Variants in ASTN2 observed in about 807,000 individuals in gnomAD.
ASTN2 encodes astrotactin-2.
A neutral mutation model predicts 139.8 loss-of-function variants in ASTN2; 54 were observed. The observed-to-expected ratio is 0.39, with a 90% confidence interval of 0.31 to 0.48. ASTN2 has a LOEUF of 0.48. Among genes scored for constraint, ASTN2 ranks in the 20% least tolerant of loss-of-function variants. The probability of loss-of-function intolerance (pLI) is 0.95; values close to 1 mark genes in which losing one functional copy is unlikely to be tolerated. For synonymous variants in ASTN2, 756 were observed against 719.5 expected (o/e 1.05, Z -0.81); for missense variants, 1,565 against 1,725.1 (o/e 0.91, Z 1.64).
intron 10 of ASTN2, among the ~76,000 whole-genome samples, chr9:116,884,432 G>A (rs1833536220): frequency 6.6e-6 from 1 of 152,144 alleles, no homozygotes; most frequent in Non-Finnish European, 1.5e-5. Flanking sequence ...GCTGTAATCT[G>A]AGGTCTCACT....
chr9:117,142,442 C>G (rs998624809), intron 3 of ASTN2, among the ~76,000 whole-genome samples: 1 of 152,170 alleles, frequency 6.6e-6, no homozygotes, highest in East Asian at 1.9e-4. Flanking sequence ...ATGTCGATCA[C>G]TTAGCAACAT....
chr9:117,293,497 G>C (rs1466602703), intron 1 of ASTN2, among the ~76,000 whole-genome samples: 1 of 152,214 alleles, frequency 6.6e-6, no homozygotes, highest in Non-Finnish European at 1.5e-5. Context: ...AGCTGGAAGA[G>C]TTGAACAGGC....
intron 6 of ASTN2, among the ~76,000 whole-genome samples, chr9:117,038,266 A>T (rs1393916963): frequency 6.6e-6 from 1 of 152,218 alleles, no homozygotes; most frequent in Non-Finnish European, 1.5e-5. Flanking sequence ...AAAGACTGGC[A>T]AATAGAGGGT....
At chr9:116,837,659 C>G (rs73533317) in intron 11 of ASTN2, among the ~76,000 whole-genome samples, 1 of 150,712 alleles carries the variant, frequency 6.6e-6, no homozygotes. Context: ...ACCACCCCAC[C>G]CCCAGGTCTA....
intron 11 of ASTN2, among the ~76,000 whole-genome samples, chr9:116,862,807 T>C (rs936329543): frequency 4.4e-5 from 4 of 90,802 alleles, no homozygotes; most frequent in African/African-American, 8.6e-5. Context: ...CACACACAAA[T>C]ACACACACAC....
chr9:117,183,894 A>G (rs1366675605), intron 3 of ASTN2, among the ~76,000 whole-genome samples: 1 of 152,060 alleles, frequency 6.6e-6, no homozygotes, highest in Non-Finnish European at 1.5e-5. Context: ...TGGATCTTTT[A>G]TGGGTGGAGC....
chr9:117,009,815 A>G (rs139794705), intron 6 of ASTN2, among the ~76,000 whole-genome samples: 108 of 152,272 alleles, frequency 7.1e-4, no homozygotes, highest in African/African-American at 2.4e-3. Context: ...TGGCTGACCT[A>G]TGGTTGGACT....
intron 1 of ASTN2, among the ~76,000 whole-genome samples, chr9:117,377,064 G>A (rs1444528451): frequency 6.6e-6 from 1 of 152,192 alleles, no homozygotes; most frequent in East Asian, 1.9e-4. Context: ...AGACCAAGAG[G>A]GGATAAATGC....
intron 2 of ASTN2, among the ~76,000 whole-genome samples, chr9:117,247,213 G>A (rs2133084283): frequency 6.6e-6 from 1 of 152,308 alleles, no homozygotes; most frequent in South Asian, 2.1e-4. Flanking sequence ...TGTGAGGAAA[G>A]AATGTCTAAT....
intron 1 of ASTN2, among the ~76,000 whole-genome samples, chr9:117,410,863 T>C (rs1831139148): frequency 1.3e-5 from 2 of 152,154 alleles, no homozygotes; most frequent in Admixed American, 1.3e-4. Flanking sequence ...GGAAGGGTCA[T>C]TGGATGTCAT....
intron 2 of ASTN2, among the ~76,000 whole-genome samples, chr9:117,274,227 G>A (rs1834131710): frequency 6.6e-6 from 1 of 152,170 alleles, no homozygotes; most frequent in Admixed American, 6.5e-5. Context: ...ACATGTGCCT[G>A]TAATCCCAGC....
chr9:117,224,451 A>G (rs1036059553), intron 2 of ASTN2, among the ~76,000 whole-genome samples: 7 of 152,120 alleles, frequency 4.6e-5, no homozygotes, highest in Admixed American at 3.9e-4. Context: ...CCACTATACA[A>G]TCAGATATTC....
intron 19 of ASTN2, among the ~76,000 whole-genome samples, chr9:116,565,388 C>CTCTCTCTCTCTCTCTCTCTCTCT (rs1564120372): frequency 2.9e-5 from 1 of 34,020 alleles, no homozygotes; most frequent in Non-Finnish European, 4.8e-5. Flanking sequence ...TCTCTCTCTC[C>CTCTCTCTCTCTCTCTCTCTCTCT]ATATATATAT....
At chr9:117,061,654 A>G (rs754842396) in intron 5 of ASTN2, among the ~76,000 whole-genome samples, 2 of 152,158 alleles carry the variant, frequency 1.3e-5, no homozygotes, top group Non-Finnish European at 2.9e-5. Context: ...AATGCACAAT[A>G]TCTTTGTTAT....
intron 1 of ASTN2, among the ~76,000 whole-genome samples, chr9:117,355,284 A>G (rs1829507736): frequency 6.6e-6 from 1 of 152,206 alleles, no homozygotes; most frequent in Non-Finnish European, 1.5e-5. Context: ...TATGGTAAAA[A>G]TGATTCAAAC....
chr9:117,177,577 ACTCAAACATGGGC>A (rs1046302344), intron 3 of ASTN2, among the ~76,000 whole-genome samples: 7 of 152,124 alleles, frequency 4.6e-5, no homozygotes, highest in Admixed American at 6.5e-5. Flanking sequence ...TCAGTGTAAA[ACTCAAACATGGGC>A]CCCACATTTT....
At chr9:116,834,947 G>C (rs1295952416) in intron 11 of ASTN2, among the ~76,000 whole-genome samples, 1 of 152,208 alleles carries the variant, frequency 6.6e-6, no homozygotes, top group Non-Finnish European at 1.5e-5. Context: ...TACTTGGGAT[G>C]TTGAGGTGGG....
chr9:117,254,625 G>A (rs1833633864), intron 2 of ASTN2, among the ~76,000 whole-genome samples: 1 of 152,142 alleles, frequency 6.6e-6, no homozygotes, highest in South Asian at 2.1e-4. Context: ...TTTAAATTAT[G>A]TCCCATTGGG....
In ASTN2 at chr9:116,864,902, A is replaced by T. The variant is rs957625077; in HGVS notation, c.1890-1169T>A. ...CATCTTTCATACTGACTGTCAGTGA[A>T]CTTGGTAAATCCCAGCTCTAATTAG... On this transcript the variant is annotated intron_variant, in intron 10 of 22. Transcript: ENST00000313400. Among the ~76,000 whole-genome samples the T allele has an allele frequency of 6.6e-5, 10 of 152,280 alleles. No individual in the cohort carries two copies. The South Asian group carries it at 2.1e-3, about 32-fold the overall frequency.
Sources: gnomAD v4.1 joint callset for allele counts (sites outside exome capture counted in the v4.1 genomes callset) on GRCh38, gnomAD v4.1.1 for gene constraint, MANE v1.5 for transcripts, NCBI Gene and HGNC (gene_info 2026-07-23, HGNC 2026-07-21) for gene names.